Variants in MAP4K4 observed in about 807,000 individuals in gnomAD.
MAP4K4 encodes HPK/GCK-like kinase HGK.
MAP4K4 carries 38 observed loss-of-function variants against 189.6 expected under a neutral mutation model. The ratio of observed to expected loss-of-function variants is 0.20; its 90% CI spans 0.15 to 0.26. MAP4K4 has a LOEUF of 0.26. MAP4K4 is among the 10% of genes least tolerant of loss of function. MAP4K4 has a pLI of 1.00. For missense variants in MAP4K4, 1,054 were observed against 1,726.9 expected, an observed-to-expected ratio of 0.61 and a Z score of 6.91; for synonymous variants, 610 against 624.3, an observed-to-expected ratio of 0.98 and a Z score of 0.34.
intron 2 of MAP4K4, among the ~76,000 whole-genome samples, chr2:101,711,605 T>C (rs1005240769): frequency 3.3e-5 from 5 of 152,192 alleles, no homozygotes; most frequent in Admixed American, 2.0e-4. Flanking sequence ...CTAATCCGAT[T>C]AGGTAAAATG....
chr2:101,816,309 A>G (rs2095711607), intron 3 of MAP4K4, among the ~76,000 whole-genome samples: 2 of 152,220 alleles, frequency 1.3e-5, no homozygotes, highest in African/African-American at 4.8e-5. Context: ...TATTGAAGAC[A>G]CATTTTGTCA....
intron 3 of MAP4K4, among the ~76,000 whole-genome samples, chr2:101,801,056 C>T (rs2094319082): frequency 6.6e-6 from 1 of 152,118 alleles, no homozygotes; most frequent in South Asian, 2.1e-4. Context: ...TGGATACTGT[C>T]CTTTCACCAT....
At position 101,753,304 on chromosome 2, in the gene MAP4K4, AC is replaced by A. The variant is rs2070210452; in HGVS notation, c.124-37413del. 2.0e-5 allele frequency among the ~76,000 whole-genome samples: 3 copies of A among 152,132 alleles called. No homozygotes were observed. In the East Asian group the frequency reaches 5.8e-4, roughly 29 times the overall value. ...AAGAGTTAATCAGTTTCTACAGCTC[AC>A]CCTCCCCACCTGCCCTTTTCCCTTG... On this transcript the variant is annotated intron_variant, in intron 2 of 32. Transcript: ENST00000324219.
At chr2:101,866,482 T>G in exon 19 of MAP4K4, 1 of 1,613,746 alleles carries the variant, frequency 6.2e-7, no homozygotes, top group Non-Finnish European at 8.5e-7. Context: ...TGCCCAGACC[T>G]GGCAGTGGCA....
At chr2:101,744,005 G>A (rs926499481) in intron 2 of MAP4K4, among the ~76,000 whole-genome samples, 1 of 152,160 alleles carries the variant, frequency 6.6e-6, no homozygotes, top group Admixed American at 6.5e-5. Flanking sequence ...AGGACTGCCT[G>A]TTTTCTTAAG....
intron 2 of MAP4K4, among the ~76,000 whole-genome samples, chr2:101,702,560 ACT>A (rs762632678): frequency 6.6e-6 from 1 of 152,028 alleles, no homozygotes; most frequent in Non-Finnish European, 1.5e-5. Flanking sequence ...CAAGAGTGAA[ACT>A]CTGTCTCAAA....
At chr2:101,811,583 C>G (rs2095433284) in intron 3 of MAP4K4, among the ~76,000 whole-genome samples, 2 of 152,172 alleles carry the variant, frequency 1.3e-5, no homozygotes, top group Admixed American at 1.3e-4. Flanking sequence ...TCCCTGTGCT[C>G]TGCCTGCCTC....
chr2:101,857,375 T>C (rs1361221904), intron 13 of MAP4K4, among the ~76,000 whole-genome samples: 1 of 152,186 alleles, frequency 6.6e-6, no homozygotes, highest in Non-Finnish European at 1.5e-5. Flanking sequence ...TAGATGCGTG[T>C]TGTGTATTGT....
At chr2:101,842,169 C>G (rs1259544898) in intron 10 of MAP4K4, among the ~76,000 whole-genome samples, 1 of 152,146 alleles carries the variant, frequency 6.6e-6, no homozygotes, top group African/African-American at 2.4e-5. Context: ...CTGCACTCTC[C>G]GTGGATCCCT....
intron 21 of MAP4K4, 22 bp from the exon 22 acceptor site, chr2:101,869,600 T>C: frequency 6.3e-7 from 1 of 1,597,734 alleles, no homozygotes. Context: ...CCTTACTCTC[T>C]CTTTTCTGTC....
chr2:101,801,525 G>T (rs1314469770), intron 3 of MAP4K4, among the ~76,000 whole-genome samples: 1 of 152,184 alleles, frequency 6.6e-6, no homozygotes, highest in Non-Finnish European at 1.5e-5. Flanking sequence ...AGTACAAGCA[G>T]CCTCTGCCTA....
Position 101,869,785 on chromosome 2 carries a change from A to G in MAP4K4, c.2627A>G (p.Asp876Gly), listed in dbSNP as rs758407981. The change falls in exon 22 of 33, where the codon GAC becomes GGC. Residue 876 changes from aspartate (D) to glycine (G), a missense_variant. Transcript: ENST00000324219. ...GACGAGTCCACCTCAGGACCAGAGG[A>G]CACCAGAGCAGCGTCAGTCCCCGGT... The G allele has an allele frequency of 2.6e-6, 4 of 1,566,414 alleles. No individual in the cohort carries two copies. The Admixed American group carries it at 5.7e-5, about 22-fold the overall frequency.
At chr2:101,847,899 G>A (rs2097158861) in intron 12 of MAP4K4, among the ~76,000 whole-genome samples, 1 of 152,164 alleles carries the variant, frequency 6.6e-6, no homozygotes, top group Non-Finnish European at 1.5e-5. Context: ...TTCATGGTGA[G>A]ATAGCATTTG....
In MAP4K4 at chr2:101,886,899, C is replaced by G. The variant is rs2098493895; in HGVS notation, c.3622-189C>G. On this transcript the variant is annotated intron_variant, in intron 29 of 32. Transcript: ENST00000324219. ...AATTAGCTGAGTGTGGTGGCGGGCACCTGTAGTCCCAGCTACTCGGGAGGC... is the reference window on the plus strand; with the variant it reads ...AATTAGCTGAGTGTGGTGGCGGGCAGCTGTAGTCCCAGCTACTCGGGAGGC... Among the ~76,000 whole-genome samples the G allele has an allele frequency of 2.0e-5, 3 of 152,090 alleles. No individual in the cohort carries two copies. In the South Asian group the frequency reaches 6.2e-4, roughly 32 times the overall value.
At chr2:101,750,495 C>T (rs537802638) in intron 2 of MAP4K4, among the ~76,000 whole-genome samples, 39 of 134,066 alleles carry the variant, frequency 2.9e-4, no homozygotes, top group Middle Eastern at 4.0e-3. Context: ...GACTATCACA[C>T]TCTGGGGACT....
At chr2:101,879,717 A>G (rs1332722854) in intron 27 of MAP4K4, among the ~76,000 whole-genome samples, 1 of 152,146 alleles carries the variant, frequency 6.6e-6, no homozygotes, top group East Asian at 1.9e-4. Flanking sequence ...CCACCCTGGG[A>G]CTGCCCCCAG....
At chr2:101,871,753 A>G in intron 24 of MAP4K4, 68 bp downstream of exon 24, 2 of 1,414,596 alleles carry the variant, frequency 1.4e-6, no homozygotes, top group Admixed American at 4.3e-5. Flanking sequence ...GTTAGTTTGC[A>G]AAGGAGACCT....
intron 2 of MAP4K4, among the ~76,000 whole-genome samples, chr2:101,704,311 C>T (rs939655864): frequency 6.6e-6 from 1 of 151,926 alleles, no homozygotes; most frequent in Non-Finnish European, 1.5e-5. Flanking sequence ...TGAGCAAGCC[C>T]TGCTCTCAAA....
At chr2:101,869,772 T>C (rs752650443) in exon 22 of MAP4K4, 1 of 1,578,976 alleles carries the variant, frequency 6.3e-7, no homozygotes, top group Non-Finnish European at 8.6e-7. Context: ...CGAGTCCACC[T>C]CAGGACCAGA....
Sources: allele counts gnomAD v4.1 joint callset (sites outside exome capture counted in the v4.1 genomes callset), GRCh38; gene constraint gnomAD v4.1.1; transcripts MANE v1.5; gene names NCBI Gene and HGNC (gene_info 2026-07-23, HGNC 2026-07-21).